The following ZCCHC2 variants were observed in gnomAD, a reference collection of about 807,000 sequenced individuals.
ZCCHC2 encodes the protein zinc finger CCHC domain-containing protein 2.
ZCCHC2 carries 39 observed loss-of-function variants against 103.6 expected under a neutral mutation model. The ratio of observed to expected loss-of-function variants is 0.38; its 90% confidence interval spans 0.29 to 0.49. The LOEUF is 0.49. Among genes scored for constraint, ZCCHC2 ranks in the 20% least tolerant of loss-of-function variants. The pLI is 0.96. For synonymous variants in ZCCHC2, 687 were observed against 608.9 expected (o/e 1.13, Z -1.89); for missense variants, 1,483 against 1,491.0 (o/e 0.99, Z 0.09).
At chr18:62,542,042 T>A (rs997085884) in intron 2 of ZCCHC2, among the ~76,000 whole-genome samples, 3 of 152,150 alleles carry the variant, frequency 2.0e-5, no homozygotes, top group Non-Finnish European at 4.4e-5. Flanking sequence ...AGTAGTTTTT[T>A]AAAAAAATTA....
intron 12 of ZCCHC2, among the ~76,000 whole-genome samples, chr18:62,573,068 C>T (rs1041480996): frequency 2.6e-5 from 4 of 152,098 alleles, no homozygotes; most frequent in Admixed American, 6.6e-5. Flanking sequence ...AAGACGAATT[C>T]GTTTTTAGTG....
chr18:62,544,400 C>T (rs1213121584), intron 3 of ZCCHC2, among the ~76,000 whole-genome samples: 1 of 152,132 alleles, frequency 6.6e-6, no homozygotes, highest in African/African-American at 2.4e-5. Context: ...CTAGTTATTT[C>T]CCTTAAGGGT....
intron 1 of ZCCHC2, among the ~76,000 whole-genome samples, chr18:62,537,962 A>G (rs1915000842): frequency 6.6e-6 from 1 of 152,194 alleles, no homozygotes; most frequent in South Asian, 2.1e-4. Flanking sequence ...AGTCATCCTA[A>G]TGGGTATAAA....
intron 4 of ZCCHC2, among the ~76,000 whole-genome samples, chr18:62,549,260 G>C (rs898371339): frequency 1.2e-4 from 18 of 152,140 alleles, no homozygotes; most frequent in Non-Finnish European, 2.5e-4. Context: ...CTGGTGGTCA[G>C]AGGGCATGAT....
downstream of ZCCHC2, among the ~76,000 whole-genome samples, chr18:62,580,369 G>A (rs1917010461): frequency 6.6e-6 from 1 of 152,264 alleles, no homozygotes; most frequent in Admixed American, 6.5e-5. Flanking sequence ...GGCAAGCTGG[G>A]AGTGCAGCGG....
chr18:62,569,600 A>G (rs1916510728), intron 11 of ZCCHC2, among the ~76,000 whole-genome samples: 2 of 151,932 alleles, frequency 1.3e-5, no homozygotes, highest in Non-Finnish European at 2.9e-5. Flanking sequence ...TGGTCATGGC[A>G]GGTCCTGTCA....
intron 12 of ZCCHC2, among the ~76,000 whole-genome samples, chr18:62,573,588 CTCTT>C (rs1916675183): frequency 6.6e-6 from 1 of 152,136 alleles, no homozygotes; most frequent in African/African-American, 2.4e-5. Flanking sequence ...CAAAAGAAAA[CTCTT>C]CTGTTCCCTG....
chr18:62,568,124 A>G (rs1304902836), intron 11 of ZCCHC2, among the ~76,000 whole-genome samples: 2 of 152,100 alleles, frequency 1.3e-5, no homozygotes, highest in East Asian at 3.9e-4. Context: ...CAGATGAAAT[A>G]TGTGGTTCTG....
intron 3 of ZCCHC2, among the ~76,000 whole-genome samples, 157 bp from the exon 4 acceptor site, chr18:62,544,645 A>C (rs1014673344): frequency 1.3e-5 from 2 of 152,212 alleles, no homozygotes; most frequent in East Asian, 1.9e-4. Context: ...TAATTTTACT[A>C]ATTTTGAAAT....
intron 7 of ZCCHC2, 120 bp from the exon 8 acceptor site, chr18:62,560,467 G>GC (rs899645396): frequency 1.8e-5 from 13 of 710,832 alleles, no homozygotes; most frequent in Non-Finnish European, 2.6e-5. Context: ...GTTGAGAAAT[G>GC]CTTAGAAGTG....
At chr18:62,524,897 C>T (rs1284047713) in intron 1 of ZCCHC2, 1 of 154,550 alleles carries the variant, frequency 6.5e-6, no homozygotes, top group Non-Finnish European at 1.4e-5. Context: ...GTCTTTGGCA[C>T]AGAGGGACTT....
At chr18:62,530,515 T>G (rs1213778965) in intron 1 of ZCCHC2, among the ~76,000 whole-genome samples, 2 of 152,182 alleles carry the variant, frequency 1.3e-5, no homozygotes, top group South Asian at 2.1e-4. Flanking sequence ...GAATATGGTT[T>G]GTTTTTTTTT....
At chr18:62,552,293 A>C (rs545354022) in intron 5 of ZCCHC2, 1 of 152,210 alleles carries the variant, frequency 6.6e-6, no homozygotes, top group African/African-American at 2.4e-5. Context: ...CACCCCACAG[A>C]TGCCAGTTGC....
chr18:62,544,037 T>C (rs1034797969), intron 3 of ZCCHC2, among the ~76,000 whole-genome samples: 1 of 152,378 alleles, frequency 6.6e-6, no homozygotes, highest in East Asian at 1.9e-4. Flanking sequence ...TGATTACTTA[T>C]AAGTTGGTAA....
Position 62,523,537 on chromosome 18 carries a change from G to A in ZCCHC2, c.113G>A (p.Arg38His), listed in dbSNP as rs1914154245. 9 of 938,966 alleles carry A rather than the reference G, an allele frequency of 9.6e-6. No homozygotes were observed. Among genetic ancestry groups the A allele is most frequent in the Non-Finnish European group, 1.1e-5 (9 of 807,228 alleles). The allele number at this position is 938,966 out of a possible 1,614,324, so 58.2% of individuals were successfully genotyped here. Residue 38 changes from arginine (R) to histidine (H), a missense_variant, in exon 1 of 14, where the codon CGC becomes CAC. Arg to His is a conservative substitution (Grantham distance 29, BLOSUM62 0). Transcript: ENST00000269499. ...GGCGCGAAGGCGCCTTCGCGCCGCC[G>A]CCGCGACTGCCGCCCCCCGCCGCCG... ...RPGAKAPSRR[R>H]RDCRPPPPPP...
intron 11 of ZCCHC2, among the ~76,000 whole-genome samples, chr18:62,566,031 GGTCA>G (rs1287367995): frequency 6.6e-6 from 1 of 152,134 alleles, no homozygotes; most frequent in Non-Finnish European, 1.5e-5. Flanking sequence ...GATCACCTGA[GGTCA>G]GGAGCTCGAG....
intron 1 of ZCCHC2, among the ~76,000 whole-genome samples, chr18:62,531,616 G>A (rs1914677465): frequency 6.6e-6 from 1 of 152,020 alleles, no homozygotes; most frequent in Admixed American, 6.6e-5. Flanking sequence ...TATTCATAGA[G>A]CGATTAGCAC....
intron 11 of ZCCHC2, among the ~76,000 whole-genome samples, chr18:62,566,516 A>T: frequency 6.6e-6 from 1 of 152,086 alleles, no homozygotes; most frequent in East Asian, 1.9e-4. Context: ...TTTCTAGTTC[A>T]TTTTCCATAC....
Position 62,523,837 on chromosome 18 carries a change from C to T in ZCCHC2, c.413C>T (p.Ala138Val). The change falls in exon 1 of 14, where the codon GCG becomes GTG. Residue 138 changes from alanine to valine, a missense_variant. Physicochemically the swap from Ala to Val is moderately conservative, Grantham distance 64. Transcript: ENST00000269499. ...RFLGSCLEDL[A>V]RKDYHYLRDS... ...CTTGGCTCGTGCCTGGAGGACCTGGCGCGCAAGGACTACCACTACCTGCGC... is the reference window on the plus strand; with the variant it reads ...CTTGGCTCGTGCCTGGAGGACCTGGTGCGCAAGGACTACCACTACCTGCGC... 3 of 1,544,596 alleles carry T rather than the reference C, an allele frequency of 1.9e-6. No individual in the cohort carries two copies. The highest frequency in any genetic ancestry group is 1.7e-6 in the Non-Finnish European group (2 of 1,146,254).
Sources: gnomAD v4.1 joint callset for allele counts (sites outside exome capture counted in the v4.1 genomes callset) on GRCh38, gnomAD v4.1.1 for gene constraint, MANE v1.5 for transcripts, NCBI Gene and HGNC (gene_info 2026-07-23, HGNC 2026-07-21) for gene names.